Variants in RGSL1 observed in about 807,000 individuals in gnomAD.
RGSL1 encodes regulator of G protein signaling like 1.
In RGSL1, 97 loss-of-function variants were observed where a neutral mutation model predicts 124.7. The ratio of observed to expected loss-of-function variants is 0.78; its 90% CI spans 0.66 to 0.92. The LOEUF (loss-of-function observed/expected upper bound fraction) is 0.92, where lower values mean the gene tolerates loss of function less well. Ranked by LOEUF, RGSL1 falls within the 40% of genes least tolerant of loss-of-function variation. The probability of loss-of-function intolerance (pLI) is 0.00; values close to 1 mark genes in which losing one functional copy is unlikely to be tolerated. For missense variants in RGSL1, 1,233 were observed against 1,288.4 expected (o/e 0.96, Z 0.66); for synonymous variants, 424 against 438.1 (o/e 0.97, Z 0.40).
In RGSL1 at chr1:182,540,978, T is replaced by G. The variant is rs185434003; in HGVS notation, c.2669+557T>G. 4.9e-4 allele frequency among the ~76,000 whole-genome samples: 75 copies of G among 152,326 alleles called. No individual in the cohort carries two copies. In the East Asian group the frequency reaches 0.013, roughly 26 times the overall value. On this transcript the variant is annotated intron_variant, in intron 15 of 21. Transcript: ENST00000294854. Reference sequence around the variant, plus strand: ...TATTAATTTTTTAATTGATACATAATAGATTTACATATTTTGGAGATGTAT... The same window carrying G: ...TATTAATTTTTTAATTGATACATAAGAGATTTACATATTTTGGAGATGTAT...
At chr1:182,540,947 GCTGT>G (rs1659854837) in intron 15 of RGSL1, among the ~76,000 whole-genome samples, 1 of 152,042 alleles carries the variant, frequency 6.6e-6, no homozygotes, top group South Asian at 2.1e-4. Flanking sequence ...TACCCCAAAA[GCTGT>G]CTATTAATTT....
At chr1:182,540,104 T>G in intron 14 of RGSL1, 143 bp from the exon 15 acceptor site, 5 of 737,114 alleles carry the variant, frequency 6.8e-6, no homozygotes, top group South Asian at 2.5e-5. Flanking sequence ...AGTAAAAGGT[T>G]GAGCCCAATG....
intron 9 of RGSL1, among the ~76,000 whole-genome samples, chr1:182,508,808 G>C (rs1657061478): frequency 8.0e-6 from 1 of 124,886 alleles, no homozygotes; most frequent in Non-Finnish European, 1.7e-5. Context: ...AAGGTCTCTG[G>C]TTTTCCTAGG....
At chr1:182,460,288 G>C (rs1438996076) in intron 4 of RGSL1, among the ~76,000 whole-genome samples, 155 bp downstream of exon 4, 1 of 152,010 alleles carries the variant, frequency 6.6e-6, no homozygotes, top group Non-Finnish European at 1.5e-5. Context: ...TCTTATGCCT[G>C]TCAGTACTAT....
chr1:182,501,475 C>G (rs540661257), intron 9 of RGSL1, among the ~76,000 whole-genome samples: 1 of 151,516 alleles, frequency 6.6e-6, no homozygotes, highest in Non-Finnish European at 1.5e-5. Flanking sequence ...TGTACCATTA[C>G]GCCTGGCTAA....
chr1:182,493,340 G>T (rs1655673255), intron 9 of RGSL1, among the ~76,000 whole-genome samples: 2 of 152,146 alleles, frequency 1.3e-5, no homozygotes, highest in Non-Finnish European at 2.9e-5. Flanking sequence ...AATCATAAAT[G>T]AATGAAGTGA....
intron 8 of RGSL1, among the ~76,000 whole-genome samples, chr1:182,489,520 T>G (rs1655366608): frequency 6.6e-6 from 1 of 152,260 alleles, no homozygotes; most frequent in South Asian, 2.1e-4. Context: ...CCATAGTTGA[T>G]GCTGAATACT....
chr1:182,532,188 ATG>A (rs140575460), intron 13 of RGSL1, among the ~76,000 whole-genome samples: 7 of 150,960 alleles, frequency 4.6e-5, no homozygotes, highest in Non-Finnish European at 1.0e-4. Flanking sequence ...TCGTGTGTGT[ATG>A]TGTGTGTGTG....
intron 6 of RGSL1, among the ~76,000 whole-genome samples, chr1:182,487,432 AC>A (rs764920491): frequency 5.7e-4 from 87 of 152,186 alleles, no homozygotes; most frequent in Non-Finnish European, 1.2e-3. Context: ...ACACTGAAGT[AC>A]TCATGATTCC....
chr1:182,559,287 A>G (rs1661037481), intron 21 of RGSL1, among the ~76,000 whole-genome samples: 2 of 152,166 alleles, frequency 1.3e-5, no homozygotes, highest in Non-Finnish European at 1.5e-5. Context: ...ATCCCAAATC[A>G]GTTTTGGCCC....
At chr1:182,546,068 T>A (rs1339997602) in intron 15 of RGSL1, among the ~76,000 whole-genome samples, 1 of 152,196 alleles carries the variant, frequency 6.6e-6, no homozygotes, top group East Asian at 1.9e-4. Context: ...TCTTTTGAAG[T>A]AATTTTCTAT....
chr1:182,509,482 G>T (rs1657158879), intron 9 of RGSL1, among the ~76,000 whole-genome samples: 2 of 74,990 alleles, frequency 2.7e-5, no homozygotes, highest in Admixed American at 1.0e-4. Context: ...CGGCTGGCCA[G>T]GCGGGGGGCT....
chr1:182,545,334 T>C (rs1660143021), intron 15 of RGSL1, among the ~76,000 whole-genome samples: 1 of 152,206 alleles, frequency 6.6e-6, no homozygotes, highest in South Asian at 2.1e-4. Context: ...TTTTTCTCAA[T>C]TTGCATATTT....
At chr1:182,450,464 A>G (rs112762344) in intron 1 of RGSL1, 3 of 501,300 alleles carry the variant, frequency 6.0e-6, no homozygotes, top group South Asian at 2.6e-5. Flanking sequence ...GAAGACTGGT[A>G]TGGGGTTTGA....
chr1:182,481,878 G>A (rs1285446717), intron 6 of RGSL1, among the ~76,000 whole-genome samples: 1 of 152,134 alleles, frequency 6.6e-6, no homozygotes. Context: ...TACTTGGGAT[G>A]CTGAGAAGGG....
At chr1:182,528,148 G>T (rs984849964) in intron 11 of RGSL1, among the ~76,000 whole-genome samples, 1 of 152,088 alleles carries the variant, frequency 6.6e-6, no homozygotes, top group African/African-American at 2.4e-5. Flanking sequence ...GCCAAATGAA[G>T]GGGGAAGCCC....
intron 14 of RGSL1, among the ~76,000 whole-genome samples, chr1:182,538,706 T>C (rs1029023670): frequency 6.6e-6 from 1 of 152,150 alleles, no homozygotes; most frequent in Non-Finnish European, 1.5e-5. Context: ...AGGCACTGAC[T>C]GTCAGGCTCA....
At chr1:182,498,006 G>A (rs768366765) in intron 9 of RGSL1, among the ~76,000 whole-genome samples, 4 of 152,158 alleles carry the variant, frequency 2.6e-5, no homozygotes, top group Non-Finnish European at 4.4e-5. Flanking sequence ...TATAGGCATC[G>A]ATCTTCCCTT....
chr1:182,448,635 G>A (rs749671418), upstream of RGSL1, among the ~76,000 whole-genome samples: 18 of 152,046 alleles, frequency 1.2e-4, no homozygotes, highest in Non-Finnish European at 2.6e-4. Flanking sequence ...GGACGGTCCC[G>A]GCAATTTAGG....
Sources: allele counts gnomAD v4.1 joint callset (sites outside exome capture counted in the v4.1 genomes callset), GRCh38; gene constraint gnomAD v4.1.1; transcripts MANE v1.5; gene names NCBI Gene and HGNC (gene_info 2026-07-23, HGNC 2026-07-21).